The following NOTCH3 variants were observed in gnomAD, a reference collection of about 807,000 sequenced individuals.
The protein encoded by NOTCH3 is notch receptor 3.
NOTCH3 carries 86 observed loss-of-function variants against 213.3 expected under a neutral mutation model. The ratio of observed to expected loss-of-function variants is 0.40; its 90% confidence interval spans 0.34 to 0.48. NOTCH3 has a LOEUF of 0.48. NOTCH3 is among the 20% of genes least tolerant of loss of function. The pLI, the probability that NOTCH3 is intolerant of heterozygous loss-of-function variation, is 0.57. For synonymous variants in NOTCH3, 1,354 were observed against 1,355.9 expected (o/e 1.00, Z 0.03); for missense variants, 2,783 against 3,272.6 (o/e 0.85, Z 3.65).
intron 24 of NOTCH3, among the ~76,000 whole-genome samples, chr19:15,175,552 A>AAT (rs1555727043): frequency 4.2e-5 from 1 of 24,006 alleles, no homozygotes; most frequent in African/African-American, 1.0e-4. Context: ...AAAAAAAAAA[A>AAT]ATACATATAT....
In NOTCH3 at chr19:15,162,502, A is replaced by G. The variant is rs761938298; in HGVS notation, c.5876T>C (p.Leu1959Pro). ...CATGTCCTTATTGGCTCCATTTTTG[A>G]GCAGGGCCAAAGTGGCTTCCACGTT... Reference protein sequence around the residue: ...VNNVEATLALLKNGANKDMQD... With the variant: ...VNNVEATLALPKNGANKDMQD... The change falls in exon 32 of 33, where the codon CTC becomes CCC. Residue 1959 changes from leucine to proline, a missense_variant. Physicochemically the swap from Leu to Pro is moderately conservative, Grantham distance 98. Transcript: ENST00000263388. 1 of 1,613,830 alleles carries G rather than the reference A, an allele frequency of 6.2e-7. No individual in the cohort carries two copies. Among genetic ancestry groups the G allele is most frequent in the Non-Finnish European group, 8.5e-7 (1 of 1,179,996 alleles).
chr19:15,159,749 T>C lies in NOTCH3; in HGVS notation c.*913A>G, dbSNP rs2046623942. 8.6e-6 allele frequency: 2 copies of C among 233,136 alleles called. No individual in the cohort carries two copies. The highest frequency in any genetic ancestry group is 1.2e-4 in the East Asian group (2 of 16,574). 14.4% of individuals were successfully genotyped at this position (233,136 alleles called of 1,614,324 possible). On this transcript the variant is annotated 3_prime_UTR_variant, in exon 33 of 33. Coordinates refer to ENST00000263388, the MANE Select transcript of NOTCH3 (RefSeq NM_000435.3). The stretch of plus-strand genomic sequence containing the variant: ...CAGAAGCCATATTACAAAAATAGCC[T>C]AAAAATACCTCTATTCTGCCATGAG...
chr19:15,160,010 AAG>A lies in NOTCH3; in HGVS notation c.*650_*651del. The A allele has an allele frequency of 4.3e-6, 1 of 233,816 alleles. No homozygotes were observed. The allele number at this position is 233,816 out of a possible 1,614,324, so 14.5% of individuals were successfully genotyped here. A position where few individuals can be genotyped will look rare whatever the true frequency, so the allele number is the denominator to read the frequency against. On this transcript the variant is annotated 3_prime_UTR_variant, in exon 33 of 33. Coordinates refer to ENST00000263388, the MANE Select transcript of NOTCH3 (RefSeq NM_000435.3). Reference sequence around the variant, plus strand: ...AACATGTCCCATCTGGAATGCAGTGAAGTGAGGGAGGTGGGGTGGGGAGGAGG... The same window carrying A: ...AACATGTCCCATCTGGAATGCAGTGATGAGGGAGGTGGGGTGGGGAGGAGG...
chr19:15,172,997 C>A (rs2046746980), intron 25 of NOTCH3, among the ~76,000 whole-genome samples: 1 of 123,176 alleles, frequency 8.1e-6, no homozygotes, highest in Non-Finnish European at 1.7e-5. Flanking sequence ...CCTCCTCCCC[C>A]TCCCCCTCTT....
intron 9 of NOTCH3, 57 bp downstream of exon 9, chr19:15,188,178 G>T: frequency 7.6e-7 from 1 of 1,322,070 alleles, no homozygotes; most frequent in Non-Finnish European, 1.1e-6. Context: ...TCCCACCCTG[G>T]AGTTTTTGCC....
In NOTCH3 at chr19:15,180,211, T is replaced by C. The variant is rs1366028525; in HGVS notation, c.3188A>G (p.Asp1063Gly). The C allele has an allele frequency of 6.2e-7, 1 of 1,613,700 alleles. No individual in the cohort carries two copies. ...QLCQAGGQCV[D>G]EDSSHYCVCP... ...CACGCAGTAGTGGGAGCTGTCTTCATCCACACACTGCCCACCCGCCTGACA... is the reference window on the plus strand; with the variant it reads ...CACGCAGTAGTGGGAGCTGTCTTCACCCACACACTGCCCACCCGCCTGACA... Residue 1063 changes from aspartate (D) to glycine (G), a missense_variant, in exon 20 of 33, where the codon GAT (aspartate) becomes GGT (glycine). Around this residue, in one of 6 missense-constraint regions of NOTCH3, gnomAD observed 861 missense variants for 909.1 expected, o/e 0.95. Transcript: ENST00000263388.
Position 15,161,563 on chromosome 19 carries a change from C to A in NOTCH3, c.6065G>T (p.Arg2022Leu). 6.2e-7 allele frequency: 1 copy of A among 1,609,246 alleles called. No homozygotes were observed. The highest frequency in any genetic ancestry group is 8.5e-7 in the Non-Finnish European group (1 of 1,178,112). ...AQERLHQDIVRLLDQPSGPRS... is the reference protein window; with the variant it reads ...AQERLHQDIVLLLDQPSGPRS... ...GGGCCCACTGGGTTGATCCAGCAAG[C>A]GCACGATGTCCTGGTGCAGTCTCTC... The change falls in exon 33 of 33, where the codon CGC (arginine) becomes CTC (leucine). Residue 2022 changes from arginine to leucine, a missense_variant. Transcript: ENST00000263388.
chr19:15,179,661 C>T, intron 20 of NOTCH3, 165 bp from the exon 21 acceptor site: 3 of 720,094 alleles, frequency 4.2e-6, no homozygotes, highest in South Asian at 3.2e-5. Flanking sequence ...GTGGGCAGAT[C>T]ACCTGAGATC....
Position 15,173,111 on chromosome 19 carries a change from T to C in NOTCH3, c.4736+957A>G, listed in dbSNP as rs1186387026. Among the ~76,000 whole-genome samples, 57 of 36,370 alleles carry C rather than the reference T, an allele frequency of 1.6e-3. 8 individuals carry two copies. Among genetic ancestry groups the C allele is most frequent in the African/African-American group, 2.4e-3 (8 of 3,388 alleles). 23.9% of individuals were successfully genotyped at this position (36,370 alleles called of 152,430 possible). ...CTTCTTCTTCTTCTTCTTCTTTTTT[T>C]TTTTTTTTTTTTTTTTTAAGAGATC... is the stretch of plus-strand genomic sequence containing the variant. On this transcript the variant is annotated intron_variant, in intron 25 of 32. Transcript: ENST00000263388.
At chr19:15,200,300 C>T (rs1313195783) in intron 1 of NOTCH3, among the ~76,000 whole-genome samples, 2 of 151,634 alleles carry the variant, frequency 1.3e-5, no homozygotes, top group African/African-American at 2.4e-5. Flanking sequence ...GAAGTTTTCT[C>T]CGAGTTCAGA....
intron 6 of NOTCH3, 45 bp from the exon 7 acceptor site, chr19:15,189,473 G>GC (rs1228480815): frequency 5.6e-6 from 9 of 1,598,246 alleles, no homozygotes; most frequent in Non-Finnish European, 7.7e-6. Context: ...TTCCTGCTCT[G>GC]CCCAAAAGGC....
At position 15,181,840 on chromosome 19, in the gene NOTCH3, C is replaced by A. The variant is rs773692850; in HGVS notation, c.2567-39G>T. 3.3e-6 allele frequency: 5 copies of A among 1,501,262 alleles called. No individual in the cohort carries two copies. The African/African-American group carries it at 5.5e-5, about 17-fold the overall frequency. The allele number at this position is 1,501,262 out of a possible 1,614,324, so 93.0% of individuals were successfully genotyped here. On this transcript the variant is annotated intron_variant, in intron 16 of 32. Coordinates refer to ENST00000263388, the MANE Select transcript of NOTCH3 (RefSeq NM_000435.3). ...GAAGGCGGTCTGGTCACCTACCTTG[C>A]CCCCATTAGCCCAGTCTGACTGGGA...
At chr19:15,183,761 T>C (rs570636704) in intron 16 of NOTCH3, among the ~76,000 whole-genome samples, 1 of 152,008 alleles carries the variant, frequency 6.6e-6, no homozygotes, top group African/African-American at 2.4e-5. Context: ...TCAAAGACAG[T>C]GCACTTAGGT....
At chr19:15,171,012 G>C (rs1355657948) in intron 25 of NOTCH3, among the ~76,000 whole-genome samples, 187 bp from the exon 26 acceptor site, 4 of 152,162 alleles carry the variant, frequency 2.6e-5, no homozygotes, top group Non-Finnish European at 5.9e-5. Context: ...TCTTGCTGTG[G>C]TCAGCAGTCC....
chr19:15,190,525 C>T (rs545413305), intron 6 of NOTCH3, among the ~76,000 whole-genome samples: 33 of 152,164 alleles, frequency 2.2e-4, no homozygotes, highest in Non-Finnish European at 3.4e-4. Context: ...ATGTCAGCCT[C>T]CTCCCAAGCC....
chr19:15,200,738 C>A, intron 1 of NOTCH3, 50 bp downstream of exon 1: 1 of 1,215,904 alleles, frequency 8.2e-7, no homozygotes, highest in Non-Finnish European at 1.0e-6. Context: ...GGGGTTCTTG[C>A]ACTCCCCCTC....
chr19:15,177,340 TAGAC>T (rs553312864), intron 24 of NOTCH3, among the ~76,000 whole-genome samples, 181 bp downstream of exon 24: 19 of 151,242 alleles, frequency 1.3e-4, no homozygotes, highest in Non-Finnish European at 1.5e-4. Flanking sequence ...AAGAACAAGA[TAGAC>T]AGAGCACATG....
intron 23 of NOTCH3, 74 bp downstream of exon 23, chr19:15,178,749 C>G: frequency 9.3e-7 from 1 of 1,075,030 alleles, no homozygotes; most frequent in African/African-American, 1.6e-5. Flanking sequence ...ACATCCTCCT[C>G]CTAGACGCCA....
intron 2 of NOTCH3, 58 bp downstream of exon 2, chr19:15,197,442 C>CGCCCCCCCCCCCCCCCCCCCCCA: frequency 1.6e-6 from 1 of 620,836 alleles, no homozygotes; most frequent in Non-Finnish European, 3.1e-6. Flanking sequence ...AGACAAATCG[C>CGCCCCCCCCCCCCCCCCCCCCCA]CCCTCCCCCC....
Sources: gnomAD v4.1 joint callset for allele counts (sites outside exome capture counted in the v4.1 genomes callset) on GRCh38, gnomAD v4.1.1 for gene constraint, gnomAD v4.1.1 regional missense constraint, MANE v1.5 for transcripts, NCBI Gene and HGNC (gene_info 2026-07-23, HGNC 2026-07-21) for gene names.